Variants in LNPEP observed in about 807,000 individuals in gnomAD.
The protein encoded by LNPEP is leucyl-cystinyl aminopeptidase.
Under a neutral mutation model 120.6 loss-of-function variants are expected in LNPEP, and 64 were observed. The observed-to-expected ratio is 0.53, with a 90% CI of 0.43 to 0.65. LNPEP has a LOEUF of 0.65. Ranked by LOEUF, LNPEP falls within the 30% of genes least tolerant of loss-of-function variation. LNPEP has a pLI of 0.00. For missense variants in LNPEP, 1,057 were observed against 1,200.0 expected (o/e 0.88, Z 1.76); for synonymous variants, 435 against 425.4 (o/e 1.02, Z -0.28).
chr5:96,995,799 G>T (rs892243812), intron 6 of LNPEP, among the ~76,000 whole-genome samples: 2 of 152,164 alleles, frequency 1.3e-5, no homozygotes, highest in African/African-American at 4.8e-5. Context: ...TGGGATTACA[G>T]GTGTAAGCCA....
chr5:96,948,407 C>T (rs1191272242), intron 1 of LNPEP, among the ~76,000 whole-genome samples: 1 of 152,220 alleles, frequency 6.6e-6, no homozygotes, highest in Non-Finnish European at 1.5e-5. Flanking sequence ...CGTGAGCCAC[C>T]ACGCCCAGCC....
At chr5:96,983,458 T>C (rs372518473) in intron 2 of LNPEP, among the ~76,000 whole-genome samples, 5 of 151,890 alleles carry the variant, frequency 3.3e-5, no homozygotes, top group African/African-American at 9.7e-5. Flanking sequence ...TCTTTTTTTT[T>C]CCCTTGAGAC....
At chr5:96,994,570 GAA>G (rs1417427915) in intron 6 of LNPEP, among the ~76,000 whole-genome samples, 1 of 151,876 alleles carries the variant, frequency 6.6e-6, no homozygotes, top group African/African-American at 2.4e-5. Context: ...GACATGGAGA[GAA>G]AGAAAGAAAA....
At chr5:96,968,489 G>T (rs1789780731) in intron 1 of LNPEP, among the ~76,000 whole-genome samples, 1 of 151,876 alleles carries the variant, frequency 6.6e-6, no homozygotes, top group Admixed American at 6.6e-5. Flanking sequence ...AGTCTTCTGG[G>T]TTATTTTTTT....
At chr5:97,024,406 T>A in intron 14 of LNPEP, 115 bp from the exon 15 acceptor site, 2 of 938,652 alleles carry the variant, frequency 2.1e-6, no homozygotes, top group South Asian at 1.6e-5. Context: ...AATTGTGTAC[T>A]CAAACTTGTT....
intron 8 of LNPEP, among the ~76,000 whole-genome samples, chr5:97,002,438 G>C (rs1323348009): frequency 6.6e-6 from 1 of 152,204 alleles, no homozygotes; most frequent in East Asian, 1.9e-4. Context: ...GAAGAGAAAG[G>C]ACTGTTGGGG....
At chr5:96,957,847 C>G (rs759711734) in intron 1 of LNPEP, among the ~76,000 whole-genome samples, 11 of 152,192 alleles carry the variant, frequency 7.2e-5, no homozygotes, top group Non-Finnish European at 1.5e-4. Flanking sequence ...GCAATAGAAA[C>G]TAATAGACTT....
intron 1 of LNPEP, among the ~76,000 whole-genome samples, chr5:96,941,193 G>A (rs1459099428): frequency 2.6e-5 from 4 of 152,146 alleles, no homozygotes; most frequent in African/African-American, 7.2e-5. Flanking sequence ...AATAGGGTTC[G>A]TGCTCCTATG....
At position 97,003,433 on chromosome 5, in the gene LNPEP, A is replaced by C; in HGVS notation, c.1672A>C (p.Met558Leu). The change falls in exon 9 of 18, where the codon ATG becomes CTG. Residue 558 changes from methionine to leucine, a missense_variant. Met to Leu is a conservative substitution (Grantham distance 15). Transcript: ENST00000231368. ...SYFKGSSLLL[M>L]LKTYLSEDVF... is the part of the protein sequence containing the mutation. ...TTAATAGGGATCTTCTCTCTTGTTGATGTTGAAAACTTACCTTAGTGAAGA... is the reference window on the plus strand; with the variant it reads ...TTAATAGGGATCTTCTCTCTTGTTGCTGTTGAAAACTTACCTTAGTGAAGA... 6.4e-7 allele frequency: 1 copy of C among 1,565,078 alleles called. No homozygotes were observed. The highest frequency in any genetic ancestry group is 1.4e-5 in the African/African-American group (1 of 72,806).
chr5:96,957,061 G>A (rs890550026), intron 1 of LNPEP, among the ~76,000 whole-genome samples: 2 of 151,876 alleles, frequency 1.3e-5, no homozygotes, highest in African/African-American at 4.8e-5. Context: ...TCTTTACCTC[G>A]TGGAGCATAA....
At chr5:96,951,465 A>G (rs895175035) in intron 1 of LNPEP, among the ~76,000 whole-genome samples, 7 of 152,058 alleles carry the variant, frequency 4.6e-5, no homozygotes, top group Non-Finnish European at 8.8e-5. Context: ...TCACTGTGTT[A>G]GCCAGGATGG....
chr5:97,037,465 A>G lies in LNPEP; in HGVS notation c.*8932A>G, dbSNP rs1219692323. The G allele has an allele frequency of 1.3e-5, 2 of 152,164 alleles. No homozygotes were observed. Among genetic ancestry groups the G allele is most frequent in the East Asian group, 3.9e-4 (2 of 5,194 alleles). 9.4% of individuals were successfully genotyped at this position (152,164 alleles called of 1,614,324 possible). On this transcript the variant is annotated 3_prime_UTR_variant, in exon 18 of 18. Transcript: ENST00000231368. ...GACTGAAAGGCATGTGTAGCTGCAA[A>G]CACTGTTGCTTTTTTTGTGAAATGA...
chr5:96,971,669 C>T (rs1789866701), intron 1 of LNPEP, among the ~76,000 whole-genome samples: 1 of 152,008 alleles, frequency 6.6e-6, no homozygotes, highest in South Asian at 2.1e-4. Context: ...TGTCTCCAAT[C>T]TGCCATTAAG....
At chr5:97,012,825 G>A (rs1425440878) in intron 11 of LNPEP, among the ~76,000 whole-genome samples, 4 of 152,120 alleles carry the variant, frequency 2.6e-5, no homozygotes, top group African/African-American at 9.7e-5. Context: ...ATTTATAGTA[G>A]AGACCCCAGA....
intron 1 of LNPEP, among the ~76,000 whole-genome samples, chr5:96,970,537 G>A (rs555090675): frequency 5.3e-5 from 8 of 151,960 alleles, no homozygotes; most frequent in Non-Finnish European, 1.2e-4. Context: ...GCATAGGTCA[G>A]GTTTAAGTCT....
At chr5:97,018,388 A>G (rs17087222) in intron 13 of LNPEP, among the ~76,000 whole-genome samples, 18 of 151,988 alleles carry the variant, frequency 1.2e-4, no homozygotes, top group African/African-American at 4.1e-4. Context: ...TCTTCATCCC[A>G]GATGATTTCC....
At chr5:97,017,914 T>C (rs1178116150) in intron 13 of LNPEP, among the ~76,000 whole-genome samples, 1 of 152,116 alleles carries the variant, frequency 6.6e-6, no homozygotes, top group African/African-American at 2.4e-5. Context: ...TTGCCAGTAA[T>C]CCTTGGTATT....
At position 97,008,337 on chromosome 5, in the gene LNPEP, G is replaced by GTTTTTTTTTTTTTTTTTTTTTTT. The variant is rs781727347; in HGVS notation, c.2035+1831_2035+1853dup. On this transcript the variant is annotated intron_variant, in intron 11 of 17. Transcript: ENST00000231368. ...TTGATTTTTTTGTTTGTTTTTTCTT[G>GTTTTTTTTTTTTTTTTTTTTTTT]TTTTTTTTTTTTTTTTTTTTTTTTT... Among the ~76,000 whole-genome samples the GTTTTTTTTTTTTTTTTTTTTTTT allele has an allele frequency of 3.3e-3, 197 of 59,852 alleles. 25 individuals are homozygous for GTTTTTTTTTTTTTTTTTTTTTTT. The highest frequency in any genetic ancestry group is 4.2e-3 in the Non-Finnish European group (148 of 34,904). 39.3% of individuals were successfully genotyped at this position (59,852 alleles called of 152,430 possible).
chr5:96,952,722 C>G (rs912582685), intron 1 of LNPEP, among the ~76,000 whole-genome samples: 1 of 152,100 alleles, frequency 6.6e-6, no homozygotes, highest in Non-Finnish European at 1.5e-5. Flanking sequence ...ATTTTTATCC[C>G]CATTTTTTTT....
Sources: gnomAD v4.1 joint callset for allele counts (sites outside exome capture counted in the v4.1 genomes callset) on GRCh38, gnomAD v4.1.1 for gene constraint, MANE v1.5 for transcripts, NCBI Gene and HGNC (gene_info 2026-07-23, HGNC 2026-07-21) for gene names.